The following IMPG1 variants were observed in gnomAD, a reference collection of about 807,000 sequenced individuals.
The protein encoded by IMPG1 is interphotoreceptor matrix proteoglycan of 150 kDa.
Under a neutral mutation model 92.0 loss-of-function variants are expected in IMPG1, and 85 were observed. That is an observed-to-expected ratio of 0.92 (90% confidence interval 0.78 to 1.11). The LOEUF is 1.11. Among genes scored for constraint, IMPG1 ranks in the 50% least tolerant of loss-of-function variants. The pLI is 0.00. For missense variants in IMPG1, 1,022 were observed against 956.0 expected (o/e 1.07, Z -0.91); for synonymous variants, 367 against 334.1 (o/e 1.10, Z -1.08).
Position 75,966,900 on chromosome 6 carries a change from G to A in IMPG1, c.1292-15806C>T, listed in dbSNP as rs185741062. ...CTGATACATTAAAACAAACAAGGCC[G>A]GGCATGATGGCTCATGCTTGTAATC... On this transcript the variant is annotated intron_variant, in intron 12 of 16. Transcript: ENST00000369950. 2.4e-3 allele frequency among the ~76,000 whole-genome samples: 362 copies of A among 152,206 alleles called. 1 individual carries two copies. Among genetic ancestry groups the A allele is most frequent in the African/African-American group, 8.2e-3 (342 of 41,518 alleles).
intron 12 of IMPG1, 41 bp downstream of exon 12, chr6:76,002,858 AATGGGATTCCTCAAAGCAT>A: frequency 1.5e-6 from 2 of 1,307,016 alleles, no homozygotes; most frequent in Non-Finnish European, 2.2e-6. Flanking sequence ...GCAGTATCAT[AATGGGATTCCTCAAAGCAT>A]ATGTTGTCAT....
intron 14 of IMPG1, among the ~76,000 whole-genome samples, chr6:75,940,763 C>A (rs1035412989): frequency 1.3e-5 from 2 of 152,200 alleles, no homozygotes; most frequent in Non-Finnish European, 2.9e-5. Context: ...TATCTTCGCT[C>A]CCTTCACTCC....
At chr6:76,042,865 C>T (rs1040253185) in intron 1 of IMPG1, among the ~76,000 whole-genome samples, 14 of 152,080 alleles carry the variant, frequency 9.2e-5, no homozygotes, top group African/African-American at 3.1e-4. Context: ...CTTTCTGGAC[C>T]TCTCATAATA....
At chr6:76,003,629 A>T (rs1327479806) in intron 11 of IMPG1, among the ~76,000 whole-genome samples, 1 of 152,236 alleles carries the variant, frequency 6.6e-6, no homozygotes, top group African/African-American at 2.4e-5. Context: ...TAAATGAAAC[A>T]AAAATCTAAC....
At chr6:75,990,112 C>T (rs1782789649) in intron 12 of IMPG1, among the ~76,000 whole-genome samples, 1 of 152,188 alleles carries the variant, frequency 6.6e-6, no homozygotes, top group South Asian at 2.1e-4. Flanking sequence ...TCTGAAAGTG[C>T]TTTCATTTGT....
At chr6:75,956,732 T>C (rs150516142) in intron 12 of IMPG1, among the ~76,000 whole-genome samples, 76 of 152,320 alleles carry the variant, frequency 5.0e-4, no homozygotes, top group African/African-American at 1.8e-3. Context: ...GGGCATTTAG[T>C]GGTATAAATT....
At chr6:76,023,638 G>A (rs1783472847) in intron 5 of IMPG1, among the ~76,000 whole-genome samples, 1 of 152,108 alleles carries the variant, frequency 6.6e-6, no homozygotes, top group Non-Finnish European at 1.5e-5. Context: ...GTGTCCAGAA[G>A]TACTGGGGAA....
intron 5 of IMPG1, among the ~76,000 whole-genome samples, chr6:76,024,488 C>A (rs1039962100): frequency 2.0e-5 from 3 of 152,052 alleles, no homozygotes; most frequent in Non-Finnish European, 4.4e-5. Flanking sequence ...TTTTCCTCTG[C>A]CTTTTGGCAA....
At chr6:75,962,758 A>G (rs1424519772) in intron 12 of IMPG1, among the ~76,000 whole-genome samples, 1 of 152,180 alleles carries the variant, frequency 6.6e-6, no homozygotes, top group Admixed American at 6.6e-5. Context: ...AATAATAAAT[A>G]AGCCTGATGC....
At chr6:76,046,990 C>A (rs2127595414) in intron 1 of IMPG1, among the ~76,000 whole-genome samples, 1 of 152,260 alleles carries the variant, frequency 6.6e-6, no homozygotes, top group East Asian at 1.9e-4. Context: ...TGAAATCACA[C>A]AGTGTAAAAT....
At chr6:76,008,250 A>G (rs1440072317) in intron 8 of IMPG1, among the ~76,000 whole-genome samples, 4 of 152,208 alleles carry the variant, frequency 2.6e-5, no homozygotes, top group Admixed American at 6.5e-5. Flanking sequence ...TCATTTTTCC[A>G]TGCTACCACC....
intron 8 of IMPG1, among the ~76,000 whole-genome samples, chr6:76,008,947 TC>T (rs1225720565): frequency 6.6e-6 from 1 of 152,218 alleles, no homozygotes; most frequent in Non-Finnish European, 1.5e-5. Flanking sequence ...GTTTGCATTT[TC>T]TAGAGTCTAT....
chr6:75,972,913 T>G (rs1782446574), intron 12 of IMPG1, among the ~76,000 whole-genome samples: 1 of 152,198 alleles, frequency 6.6e-6, no homozygotes, highest in South Asian at 2.1e-4. Context: ...TTTTCACTAA[T>G]CTAATGATCA....
intron 12 of IMPG1, among the ~76,000 whole-genome samples, chr6:75,955,900 G>A (rs1187155709): frequency 6.6e-6 from 1 of 152,160 alleles, no homozygotes; most frequent in Non-Finnish European, 1.5e-5. Context: ...GATGGGATAC[G>A]TTTATTGATT....
intron 12 of IMPG1, among the ~76,000 whole-genome samples, chr6:75,982,465 G>T (rs958222850): frequency 6.6e-6 from 1 of 151,548 alleles, no homozygotes; most frequent in Admixed American, 6.6e-5. Context: ...TGCTTGACCC[G>T]GGAGGCGGAG....
intron 1 of IMPG1, among the ~76,000 whole-genome samples, chr6:76,057,468 G>A (rs556900877): frequency 6.6e-6 from 1 of 152,254 alleles, no homozygotes; most frequent in South Asian, 2.1e-4. Flanking sequence ...GTCATGTAGT[G>A]CTTCCTCAAA....
rs558758823 is a variant in IMPG1 at position 75,938,038 on chromosome 6, T to G, written c.2045-6887A>C. ...GGCAGAATACTGAGCAAGCTGTGAC[T>G]TACTCGGTTTTTCAGTTGATAAATC... On this transcript the variant is annotated intron_variant, in intron 14 of 16. Coordinates refer to ENST00000369950, the MANE Select transcript of IMPG1 (RefSeq NM_001563.4). Among the ~76,000 whole-genome samples, 28 of 152,246 alleles carry G rather than the reference T, an allele frequency of 1.8e-4. 1 individual carries two copies. Among genetic ancestry groups the G allele is most frequent in the Non-Finnish European group, 3.4e-4 (23 of 68,040 alleles).
At chr6:76,068,374 G>A (rs1388393970) in intron 1 of IMPG1, among the ~76,000 whole-genome samples, 2 of 152,010 alleles carry the variant, frequency 1.3e-5, no homozygotes, top group Non-Finnish European at 2.9e-5. Context: ...AATATCAGTA[G>A]CATTTCTACA....
chr6:76,060,855 G>T (rs938793330), intron 1 of IMPG1, among the ~76,000 whole-genome samples: 1 of 152,092 alleles, frequency 6.6e-6, no homozygotes, highest in Admixed American at 6.6e-5. Context: ...AGGAGGTCAG[G>T]ACTTTTAGTA....
Sources: gnomAD v4.1 joint callset for allele counts (sites outside exome capture counted in the v4.1 genomes callset) on GRCh38, gnomAD v4.1.1 for gene constraint, MANE v1.5 for transcripts, NCBI Gene and HGNC (gene_info 2026-07-23, HGNC 2026-07-21) for gene names.